The following FOXP1 variants were observed in gnomAD, a reference collection of about 807,000 sequenced individuals.
FOXP1 encodes forkhead box P1.
Under a neutral mutation model 98.2 loss-of-function variants are expected in FOXP1, and 15 were observed. That is an observed-to-expected ratio of 0.15 (90% confidence interval 0.10 to 0.24). The LOEUF is 0.24. Among genes scored for constraint, FOXP1 ranks in the 10% least tolerant of loss-of-function variants. The pLI is 1.00. For missense variants in FOXP1, 633 were observed against 848.5 expected, an observed-to-expected ratio of 0.75 and a Z score of 3.15; for synonymous variants, 371 against 314.5, an observed-to-expected ratio of 1.18 and a Z score of -1.90.
chr3:71,115,790 G>A (rs138925884), intron 6 of FOXP1, among the ~76,000 whole-genome samples: 5,038 of 144,550 alleles, frequency 0.035, 135 homozygotes, highest in Middle Eastern at 0.057. Flanking sequence ...AGGCTGGAGT[G>A]CAGTAGTGCA....
chr3:70,979,633 C>T (rs1310113307), intron 14 of FOXP1, among the ~76,000 whole-genome samples: 4 of 152,080 alleles, frequency 2.6e-5, no homozygotes, highest in African/African-American at 9.7e-5. Context: ...AAGTCTAATT[C>T]ACCATTGCTA....
intron 3 of FOXP1, among the ~76,000 whole-genome samples, chr3:71,402,938 T>G (rs2082042203): frequency 6.6e-6 from 1 of 152,202 alleles, no homozygotes; most frequent in African/African-American, 2.4e-5. Context: ...CTCCACCCAA[T>G]CCACTCCCTG....
intron 4 of FOXP1, among the ~76,000 whole-genome samples, chr3:71,355,538 G>A (rs2078094553): frequency 6.6e-6 from 1 of 152,266 alleles, no homozygotes; most frequent in South Asian, 2.1e-4. Context: ...CCGTAATTCA[G>A]AGGCAAGGGA....
chr3:71,134,780 C>A (rs956532944), intron 6 of FOXP1, among the ~76,000 whole-genome samples: 1 of 152,122 alleles, frequency 6.6e-6, no homozygotes, highest in Non-Finnish European at 1.5e-5. Flanking sequence ...GAAAAGCCCT[C>A]TTAAAGCTAT....
rs571516410 is a variant in FOXP1, at chr3:70,988,432, T to C, written c.1063-355A>G. ...AAGTGAGCTAGGTAGCTAAAACCCATAAATTCATCTGTTGTGGTTGTGGAA... is the reference window on the plus strand; with the variant it reads ...AAGTGAGCTAGGTAGCTAAAACCCACAAATTCATCTGTTGTGGTTGTGGAA... On this transcript the variant is annotated intron_variant, in intron 13 of 20. Transcript: ENST00000649528. Among the ~76,000 whole-genome samples, 3 of 152,328 alleles carry C rather than the reference T, an allele frequency of 2.0e-5. No homozygotes were observed. In the East Asian group the frequency reaches 5.8e-4, roughly 29 times the overall value.
chr3:71,384,222 A>AAACAAACAAACAAACAAACAAACC, intron 3 of FOXP1, among the ~76,000 whole-genome samples: 1 of 149,234 alleles, frequency 6.7e-6, no homozygotes, highest in Non-Finnish European at 1.5e-5. Flanking sequence ...TCAGCAAAAC[A>AAACAAACAAACAAACAAACAAACC]AACAAACAAA....
chr3:71,394,210 C>T (rs1444805421), intron 3 of FOXP1, among the ~76,000 whole-genome samples: 13 of 152,160 alleles, frequency 8.5e-5, no homozygotes, highest in Admixed American at 7.9e-4. Context: ...TTAGAAGTCC[C>T]GGATTTTTGT....
chr3:71,001,177 C>T (rs958085309), intron 12 of FOXP1, 118 bp from the exon 13 acceptor site: 38 of 741,102 alleles, frequency 5.1e-5, no homozygotes, highest in Middle Eastern at 2.8e-4. Context: ...AGATAGTAGT[C>T]CAGGGGGTGG....
chr3:71,088,927 A>G (rs2055470046), intron 7 of FOXP1, among the ~76,000 whole-genome samples: 1 of 152,218 alleles, frequency 6.6e-6, no homozygotes, highest in East Asian at 1.9e-4. Context: ...AGTGAATAAT[A>G]CTTTGGCCAA....
intron 3 of FOXP1, among the ~76,000 whole-genome samples, chr3:71,365,843 C>T (rs1577150368): frequency 2.6e-5 from 4 of 152,092 alleles, no homozygotes; most frequent in Admixed American, 2.6e-4. Context: ...ATTAGCTGAG[C>T]GTGGTGGCGT....
chr3:71,425,399 TACAGGTGTGAGCC>T (rs1273368615), intron 3 of FOXP1, among the ~76,000 whole-genome samples: 1 of 152,194 alleles, frequency 6.6e-6, no homozygotes, highest in African/African-American at 2.4e-5. Context: ...GTGCTGGAAT[TACAGGTGTGAGCC>T]ACCACACCCA....
At chr3:71,338,961 T>C (rs1341792988) in intron 4 of FOXP1, among the ~76,000 whole-genome samples, 2 of 152,142 alleles carry the variant, frequency 1.3e-5, no homozygotes, top group Non-Finnish European at 2.9e-5. Flanking sequence ...ACTAGGATGG[T>C]TTAAGGGGAA....
At chr3:71,289,151 C>T (rs963240567) in intron 5 of FOXP1, among the ~76,000 whole-genome samples, 40 of 152,176 alleles carry the variant, frequency 2.6e-4, no homozygotes, top group African/African-American at 9.4e-4. Context: ...AGCAATTCTC[C>T]TGCCTCAGCC....
intron 7 of FOXP1, among the ~76,000 whole-genome samples, chr3:71,071,275 T>C (rs977970001): frequency 6.6e-6 from 1 of 152,198 alleles, no homozygotes; most frequent in African/African-American, 2.4e-5. Context: ...GGCATCCAGG[T>C]GAGCAACCCT....
At chr3:71,483,659 A>AG (rs2090450059) in intron 3 of FOXP1, among the ~76,000 whole-genome samples, 1 of 152,166 alleles carries the variant, frequency 6.6e-6, no homozygotes, top group Non-Finnish European at 1.5e-5. Flanking sequence ...GGCTGCTTAG[A>AG]GGGGACAAAG....
intron 18 of FOXP1, chr3:70,971,038 A>AGGTAGTAACAGGCTT: frequency 2.0e-6 from 1 of 506,352 alleles, no homozygotes; most frequent in Non-Finnish European, 3.6e-6. Context: ...ATTCTGGCTT[A>AGGTAGTAACAGGCTT]GGTAGTAACA....
chr3:71,211,472 C>A (rs969530142), intron 5 of FOXP1, among the ~76,000 whole-genome samples: 2 of 152,130 alleles, frequency 1.3e-5, no homozygotes, highest in Non-Finnish European at 2.9e-5. Context: ...TCCTAAAGTG[C>A]TGGAATTACA....
chr3:71,219,099 C>T (rs2065159186), intron 5 of FOXP1, among the ~76,000 whole-genome samples: 1 of 152,198 alleles, frequency 6.6e-6, no homozygotes, highest in Non-Finnish European at 1.5e-5. Context: ...TCTTTTATTT[C>T]CCATCTTACC....
At chr3:71,426,478 T>A (rs115147940) in intron 3 of FOXP1, among the ~76,000 whole-genome samples, 1 of 152,128 alleles carries the variant, frequency 6.6e-6, no homozygotes, top group Non-Finnish European at 1.5e-5. Flanking sequence ...GTGGAATGAA[T>A]GCACAGGATA....
Sources: gnomAD v4.1 joint callset for allele counts (sites outside exome capture counted in the v4.1 genomes callset) on GRCh38, gnomAD v4.1.1 for gene constraint, MANE v1.5 for transcripts, NCBI Gene and HGNC (gene_info 2026-07-23, HGNC 2026-07-21) for gene names.